Variants in SPACA9 observed in about 807,000 individuals in gnomAD.
SPACA9 encodes the protein sperm acrosome associated 9.
A neutral mutation model predicts 12.5 loss-of-function variants in SPACA9; 14 were observed. That is an observed-to-expected ratio of 1.12 (90% CI 0.74 to 1.75). The LOEUF (loss-of-function observed/expected upper bound fraction) is 1.75. Among genes scored for constraint, SPACA9 ranks in the 40% most tolerant of loss-of-function variants. SPACA9 has a pLI of 0.00. For synonymous variants in SPACA9, 111 were observed against 114.1 expected (o/e 0.97, Z 0.17); for missense variants, 292 against 291.9 (o/e 1.00, Z 0.00).
intron 1 of SPACA9, among the ~76,000 whole-genome samples, chr9:132,881,140 C>A (rs994084652): frequency 6.6e-6 from 1 of 151,436 alleles, no homozygotes; most frequent in Admixed American, 6.6e-5. Context: ...CTTTTCTTTA[C>A]AAATTCTGAT....
chr9:132,888,425 G>T lies in SPACA9; in HGVS notation c.483G>T (p.Lys161Asn). ...CCCACTCCGAGAAGTTGCCGCGCAAGGTGCTGCAGCACGTGAGTGAGCCCC... is the reference window on the plus strand; with the variant it reads ...CCCACTCCGAGAAGTTGCCGCGCAATGTGCTGCAGCACGTGAGTGAGCCCC... ...WIAHSEKLPRKVLQHVSEPQA... is the reference protein window; with the variant it reads ...WIAHSEKLPRNVLQHVSEPQA... Residue 161 changes from lysine to asparagine, a missense_variant, in exon 4 of 4, where the codon AAG becomes AAT. By Grantham distance (94) the Lys-to-Asn change is moderately conservative (BLOSUM62 0). Coordinates refer to ENST00000356311, the MANE Select transcript of SPACA9 (RefSeq NM_001316897.2). This position sits in a 1 kb window ranked among gnomAD's most constrained non-coding sequence, Gnocchi z 5.0. 1 of 1,613,884 alleles carries T rather than the reference G, an allele frequency of 6.2e-7. No homozygotes were observed. Among genetic ancestry groups the T allele is most frequent in the Non-Finnish European group, 8.5e-7 (1 of 1,180,016 alleles).
At position 132,888,807 on chromosome 9, in the gene SPACA9, G is replaced by A. The variant is rs143070758; in HGVS notation, c.*196G>A. The A allele has an allele frequency of 3.6e-4, 475 of 1,315,366 alleles. No homozygotes were observed. In the African/African-American group the frequency reaches 4.9e-3, roughly 14 times the overall value. The allele number at this position is 1,315,366 out of a possible 1,614,324, so 81.5% of individuals were successfully genotyped here. A position where few individuals can be genotyped will look rare whatever the true frequency, so the allele number is the denominator to read the frequency against. On this transcript the variant is annotated 3_prime_UTR_variant, in exon 4 of 4. Coordinates refer to ENST00000356311, the MANE Select transcript of SPACA9 (RefSeq NM_001316897.2). The surrounding 1 kb of genome is among the most constrained non-coding windows in gnomAD (Gnocchi z 5.0). ...TTTTGAGACGGAGTCTCGCTCTGTCGCCCAGGCTGGAGTGCGGTGGCGCAA... is the reference window on the plus strand; with the variant it reads ...TTTTGAGACGGAGTCTCGCTCTGTCACCCAGGCTGGAGTGCGGTGGCGCAA...
At chr9:132,879,651 C>G (rs887890279) in intron 1 of SPACA9, among the ~76,000 whole-genome samples, 1 of 152,200 alleles carries the variant, frequency 6.6e-6, no homozygotes, top group African/African-American at 2.4e-5. Context: ...AGGATTAGAA[C>G]AATGAGGAGT....
rs1160084275 is a variant in SPACA9 at position 132,889,849 on chromosome 9, G to C, written c.*1238G>C. 9 of 1,368,286 alleles carry C rather than the reference G, an allele frequency of 6.6e-6. No homozygotes were observed. The Middle Eastern group carries it at 8.5e-4, about 129-fold the overall frequency. The allele number at this position is 1,368,286 out of a possible 1,614,324, so 84.8% of individuals were successfully genotyped here. ...GATTTTGTGGCTCCTGAGCAAGGGCGATGACCTGGTTTTCACAGCGTAGTC... is the reference window on the plus strand; with the variant it reads ...GATTTTGTGGCTCCTGAGCAAGGGCCATGACCTGGTTTTCACAGCGTAGTC... On this transcript the variant is annotated 3_prime_UTR_variant, in exon 4 of 4. Transcript: ENST00000356311.
chr9:132,888,054 C>T lies in SPACA9; in HGVS notation c.348-236C>T, dbSNP rs995781725. Among the ~76,000 whole-genome samples the T allele has an allele frequency of 7.2e-5, 11 of 152,146 alleles. No individual in the cohort carries two copies. The highest frequency in any genetic ancestry group is 6.2e-4 in the South Asian group (3 of 4,826). ...TCCTCACCCCTAACCCAGGTTTCTACGGACCATGGGGCAGTGGTTTGCATC... is the reference window on the plus strand; with the variant it reads ...TCCTCACCCCTAACCCAGGTTTCTATGGACCATGGGGCAGTGGTTTGCATC... On this transcript the variant is annotated intron_variant, in intron 3 of 3. Transcript: ENST00000356311. This position sits in a 1 kb window ranked among gnomAD's most constrained non-coding sequence, Gnocchi z 5.0.
intron 2 of SPACA9, among the ~76,000 whole-genome samples, chr9:132,884,840 G>T (rs901380217): frequency 6.6e-6 from 1 of 152,216 alleles, no homozygotes; most frequent in Non-Finnish European, 1.5e-5. Flanking sequence ...TTCTGGCCAG[G>T]CGTGGTGGCT....
At chr9:132,885,407 G>T (rs1425269768) in intron 2 of SPACA9, among the ~76,000 whole-genome samples, 1 of 151,256 alleles carries the variant, frequency 6.6e-6, no homozygotes. Flanking sequence ...CAGTGACTCG[G>T]GAGGCTGAGG....
Position 132,888,275 on chromosome 9 carries a change from C to T in SPACA9, c.348-15C>T, listed in dbSNP as rs1360175991. 1 of 1,585,294 alleles carries T rather than the reference C, an allele frequency of 6.3e-7. No individual in the cohort carries two copies. The highest frequency in any genetic ancestry group is 8.6e-7 in the Non-Finnish European group (1 of 1,163,286). The stretch of plus-strand genomic sequence containing the variant: ...CCGGGAGCATGGGTTCACCTGGCCC[C>T]CTGCCGTCCTGCAGATACCCTCATG... On this transcript the variant is annotated splice_polypyrimidine_tract_variant and intron_variant, in intron 3 of 3. Coordinates refer to ENST00000356311, the MANE Select transcript of SPACA9 (RefSeq NM_001316897.2). The surrounding 1 kb of genome is among the most constrained non-coding windows in gnomAD (Gnocchi z 5.0).
chr9:132,887,378 T>G lies in SPACA9; in HGVS notation c.154T>G (p.Tyr52Asp). 6.2e-7 allele frequency: 1 copy of G among 1,611,928 alleles called. No homozygotes were observed. The highest frequency in any genetic ancestry group is 2.2e-5 in the East Asian group (1 of 44,862). ...GCGGCGGCCCTTGCAGGTGCAGAGC[T>G]ACATGGAACACTACTGCAACAGCTC... ...PISSIGQVQS[Y>D]MEHYCNSSTD... The change falls in exon 3 of 4, where the codon TAC (tyrosine) becomes GAC (aspartate). Residue 52 changes from tyrosine to aspartate, a missense_variant. Physicochemically the swap from Tyr to Asp is radical, Grantham distance 160. Coordinates refer to ENST00000356311, the MANE Select transcript of SPACA9 (RefSeq NM_001316897.2). The surrounding 1 kb of genome is among the most constrained non-coding windows in gnomAD (Gnocchi z 5.4).
chr9:132,878,920 G>A lies in SPACA9; in HGVS notation c.-132G>A, dbSNP rs1350915365. 2 of 325,336 alleles carry A rather than the reference G, an allele frequency of 6.1e-6. No individual in the cohort carries two copies. The highest frequency in any genetic ancestry group is 2.3e-5 in the African/African-American group (1 of 43,680). 20.2% of individuals were successfully genotyped at this position (325,336 alleles called of 1,614,324 possible). A position where few individuals can be genotyped will look rare whatever the true frequency, so the allele number is the denominator to read the frequency against. On this transcript the variant is annotated 5_prime_UTR_variant, in exon 1 of 4. Coordinates refer to ENST00000356311, the MANE Select transcript of SPACA9 (RefSeq NM_001316897.2). The surrounding 1 kb of genome is among the most constrained non-coding windows in gnomAD (Gnocchi z 4.7). ...ACCCTCGCCTCCCAAGTCCTGGAAC[G>A]GGCCTCCCCACCCTCCGGGGCACCG...
intron 2 of SPACA9, 31 bp downstream of exon 2, chr9:132,884,122 G>A (rs1229428720): frequency 3.1e-6 from 5 of 1,604,980 alleles, no homozygotes; most frequent in Admixed American, 3.3e-5. Context: ...CCCGGCCGAG[G>A]GGCAACAAGC....
Position 132,889,858 on chromosome 9 carries a change from GT to G in SPACA9, c.*1251del. 1 of 1,380,510 alleles carries G rather than the reference GT, an allele frequency of 7.2e-7. No homozygotes were observed. Among genetic ancestry groups the G allele is most frequent in the Non-Finnish European group, 9.5e-7 (1 of 1,054,388 alleles). The allele number at this position is 1,380,510 out of a possible 1,614,324, so 85.5% of individuals were successfully genotyped here. The stretch of plus-strand genomic sequence containing the variant: ...GCTCCTGAGCAAGGGCGATGACCTG[GT>G]TTTCACAGCGTAGTCGAACCCCAAA... On this transcript the variant is annotated 3_prime_UTR_variant, in exon 4 of 4. Transcript: ENST00000356311.
Position 132,889,569 on chromosome 9 carries a change from C to T in SPACA9, c.*958C>T. The T allele has an allele frequency of 2.8e-6, 1 of 359,370 alleles. No individual in the cohort carries two copies. Among genetic ancestry groups the T allele is most frequent in the Non-Finnish European group, 3.9e-6 (1 of 257,940 alleles). 22.3% of individuals were successfully genotyped at this position (359,370 alleles called of 1,614,324 possible). A position where few individuals can be genotyped will look rare whatever the true frequency, so the allele number is the denominator to read the frequency against. On this transcript the variant is annotated 3_prime_UTR_variant, in exon 4 of 4. Transcript: ENST00000356311. ...TACAGGCGCCCACCACCCCACCTGG[C>T]TAATTTATATATATATATATTTTTT...
chr9:132,882,315 G>A (rs950555362), intron 1 of SPACA9, among the ~76,000 whole-genome samples: 15 of 152,264 alleles, frequency 9.9e-5, no homozygotes, highest in African/African-American at 3.1e-4. Context: ...TTGCTAAAGG[G>A]CCTCTTCCCC....
At chr9:132,890,307 G>A (rs193200784), downstream of SPACA9, 6 of 172,438 alleles carry the variant, frequency 3.5e-5, no homozygotes, top group East Asian at 1.5e-4. Context: ...AAAAACTGCC[G>A]CCTCCCAGCC....
chr9:132,883,191 G>T (rs1844472309), intron 1 of SPACA9, among the ~76,000 whole-genome samples: 1 of 152,138 alleles, frequency 6.6e-6, no homozygotes, highest in Admixed American at 6.5e-5. Flanking sequence ...ACTGATCATG[G>T]CATTCCAGCA....
At chr9:132,878,607 T>C (rs1844269387), upstream of SPACA9, 1 of 1,081,240 alleles carries the variant, frequency 9.2e-7, no homozygotes, top group Non-Finnish European at 1.1e-6. This position sits in a 1 kb window ranked among gnomAD's most constrained non-coding sequence, Gnocchi z 4.7. Flanking sequence ...CTTCTGGTTC[T>C]GTCAGTGCTC....
Position 132,889,709 on chromosome 9 carries a change from C to G in SPACA9, c.*1098C>G, listed in dbSNP as rs1273476092. On this transcript the variant is annotated 3_prime_UTR_variant, in exon 4 of 4. Coordinates refer to ENST00000356311, the MANE Select transcript of SPACA9 (RefSeq NM_001316897.2). ...GGATTACAGGTGTGAGCCACGGCAC[C>G]TGGCCAGAACTCAGTAGTGTGTTTA... The G allele has an allele frequency of 1.8e-6, 2 of 1,134,602 alleles. No homozygotes were observed. Among genetic ancestry groups the G allele is most frequent in the East Asian group, 9.2e-5 (2 of 21,736 alleles). 70.3% of individuals were successfully genotyped at this position (1,134,602 alleles called of 1,614,324 possible).
intron 1 of SPACA9, among the ~76,000 whole-genome samples, chr9:132,883,665 C>G (rs111561511): frequency 9.7e-6 from 1 of 103,214 alleles, no homozygotes; most frequent in African/African-American, 3.3e-5. Flanking sequence ...GTCACATTTC[C>G]TGGCAAAGAA....
Sources: gnomAD v4.1 joint callset for allele counts (sites outside exome capture counted in the v4.1 genomes callset) on GRCh38, gnomAD v4.1.1 for gene constraint, Gnocchi (gnomAD v3.1) non-coding constraint, MANE v1.5 for transcripts, NCBI Gene and HGNC (gene_info 2026-07-23, HGNC 2026-07-21) for gene names.